The following GSE1 variants were observed in gnomAD, a reference collection of about 807,000 sequenced individuals.
GSE1 encodes the protein genetic suppressor element 1.
Under a neutral mutation model 112.6 loss-of-function variants are expected in GSE1, and 32 were observed. That is an observed-to-expected ratio of 0.28 (90% CI 0.21 to 0.38). The LOEUF (loss-of-function observed/expected upper bound fraction) is 0.38. Ranked by LOEUF, GSE1 falls within the 10% of genes least tolerant of loss-of-function variation. The pLI is 1.00. For missense variants in GSE1, 2,348 were observed against 1,699.2 expected (o/e 1.38, Z -6.71); for synonymous variants, 1,115 against 735.6 (o/e 1.52, Z -8.35).
chr16:85,501,615 G>A (rs1402854587), intron 2 of GSE1, among the ~76,000 whole-genome samples: 4 of 151,062 alleles, frequency 2.6e-5, no homozygotes, highest in Non-Finnish European at 5.9e-5. Flanking sequence ...GGCTGGTCTC[G>A]AACCCCTGGC....
chr16:85,653,081 T>TG (rs1483124485), intron 3 of GSE1, among the ~76,000 whole-genome samples: 1 of 149,076 alleles, frequency 6.7e-6, no homozygotes, highest in African/African-American at 2.5e-5. Flanking sequence ...ATGGGGAAGA[T>TG]GCTGGGGCTG....
Position 85,647,803 on chromosome 16 carries a change from T to G in GSE1, c.227-749T>G, listed in dbSNP as rs189247158. On this transcript the variant is annotated intron_variant, in intron 2 of 15. Transcript: ENST00000253458. ...GGTTTCACCATGTTGGCCAGGATGG[T>G]CTCGAACTCCTGACCTCGTGATCTG... Among the ~76,000 whole-genome samples, 43 of 152,290 alleles carry G rather than the reference T, an allele frequency of 2.8e-4. No individual in the cohort carries two copies. The East Asian group carries it at 7.6e-3, about 27-fold the overall frequency.
upstream of GSE1, among the ~76,000 whole-genome samples, chr16:85,610,681 C>A (rs1013450993): frequency 2.0e-5 from 3 of 152,130 alleles, no homozygotes; most frequent in East Asian, 3.9e-4. Flanking sequence ...CTCGCTGCTG[C>A]CCCCCGGCGG....
intron 1 of GSE1, among the ~76,000 whole-genome samples, chr16:85,331,703 ATATATTTTTT>A (rs1567693558): frequency 2.5e-5 from 1 of 40,620 alleles, no homozygotes; most frequent in African/African-American, 7.8e-5. Context: ...ATATATATAT[ATATATTTTTT>A]TTTTTTTTTT....
At chr16:85,652,525 T>C (rs2051450874) in intron 3 of GSE1, among the ~76,000 whole-genome samples, 2 of 151,312 alleles carry the variant, frequency 1.3e-5, no homozygotes, top group South Asian at 2.1e-4. Context: ...GAGCAGATGC[T>C]GCCTCTCATT....
chr16:85,263,147 C>T (rs1055798017), intron 1 of GSE1, among the ~76,000 whole-genome samples: 2 of 152,122 alleles, frequency 1.3e-5, no homozygotes, highest in East Asian at 1.9e-4. Flanking sequence ...TTGGAGAGTG[C>T]GGGAGGGAAG....
chr16:85,617,316 G>A (rs978967456), intron 1 of GSE1, among the ~76,000 whole-genome samples: 1 of 152,240 alleles, frequency 6.6e-6, no homozygotes, highest in African/African-American at 2.4e-5. Flanking sequence ...GGCAGGGCTG[G>A]TGCTGGAGAG....
intron 2 of GSE1, among the ~76,000 whole-genome samples, chr16:85,420,061 G>A (rs529434024): frequency 6.6e-5 from 10 of 152,202 alleles, no homozygotes; most frequent in Admixed American, 1.3e-4. Context: ...GTGTCTAGAG[G>A]GGTCTGACGG....
chr16:85,229,113 C>T (rs959276345), intron 1 of GSE1, among the ~76,000 whole-genome samples: 5 of 152,218 alleles, frequency 3.3e-5, no homozygotes, highest in African/African-American at 1.2e-4. Flanking sequence ...GTGGGGGTGG[C>T]GGCATCGTGG....
intron 2 of GSE1, among the ~76,000 whole-genome samples, chr16:85,482,282 T>C (rs1321139028): frequency 3.9e-5 from 6 of 152,182 alleles, no homozygotes; most frequent in African/African-American, 1.4e-4. Flanking sequence ...GGTGCTCGGA[T>C]GTGTGCCCAG....
intron 1 of GSE1, among the ~76,000 whole-genome samples, chr16:85,220,570 C>G (rs1016805392): frequency 3.9e-5 from 6 of 152,218 alleles, no homozygotes; most frequent in African/African-American, 1.4e-4. Flanking sequence ...CACCTCTTCC[C>G]CTCCCTTTTG....
chr16:85,476,876 G>T (rs1470328034), intron 2 of GSE1, among the ~76,000 whole-genome samples: 1 of 149,426 alleles, frequency 6.7e-6, no homozygotes, highest in African/African-American at 2.5e-5. Flanking sequence ...GCCTTCCAAA[G>T]TGTCGAGGCT....
At chr16:85,416,198 G>A (rs1197318396) in intron 2 of GSE1, among the ~76,000 whole-genome samples, 1 of 152,120 alleles carries the variant, frequency 6.6e-6, no homozygotes, top group Non-Finnish European at 1.5e-5. Flanking sequence ...TTACATTAGA[G>A]CGCCTTTACA....
intron 1 of GSE1, among the ~76,000 whole-genome samples, chr16:85,257,915 T>C (rs777578871): frequency 2.0e-5 from 3 of 152,206 alleles, no homozygotes; most frequent in Non-Finnish European, 4.4e-5. Flanking sequence ...TACATACACG[T>C]AAACTGAGGC....
chr16:85,387,541 C>T (rs1482842614), intron 2 of GSE1, among the ~76,000 whole-genome samples: 2 of 152,258 alleles, frequency 1.3e-5, no homozygotes, highest in African/African-American at 2.4e-5. Context: ...TTGGTGAGGC[C>T]CTCCAGGATC....
intron 1 of GSE1, among the ~76,000 whole-genome samples, chr16:85,316,098 G>C (rs2045980077): frequency 6.6e-6 from 1 of 152,356 alleles, no homozygotes; most frequent in African/African-American, 2.4e-5. Flanking sequence ...TCCAAAGGGC[G>C]AAGTGAATTT....
intron 2 of GSE1, among the ~76,000 whole-genome samples, chr16:85,412,997 A>G (rs1778366131): frequency 6.6e-6 from 1 of 152,136 alleles, no homozygotes; most frequent in African/African-American, 2.4e-5. Flanking sequence ...TATAATGCTG[A>G]GCCTTTATCG....
At chr16:85,279,726 C>T (rs1207704913) in intron 1 of GSE1, among the ~76,000 whole-genome samples, 2 of 152,122 alleles carry the variant, frequency 1.3e-5, no homozygotes, top group East Asian at 3.9e-4. Context: ...AGCACCTGAG[C>T]CCGTAAGCCT....
chr16:85,672,165 A>AT (rs1207398150), intron 15 of GSE1: 8 of 502,560 alleles, frequency 1.6e-5, no homozygotes, highest in East Asian at 4.5e-5. Context: ...TGCCTGGCTA[A>AT]TTTTTTTGTT....
Sources: allele counts gnomAD v4.1 joint callset (sites outside exome capture counted in the v4.1 genomes callset), GRCh38; gene constraint gnomAD v4.1.1; transcripts MANE v1.5; gene names NCBI Gene and HGNC (gene_info 2026-07-23, HGNC 2026-07-21).